OLFM3: variants seen among roughly 807,000 people sequenced by gnomAD.
OLFM3 encodes the protein noelin-3.
Under a neutral mutation model 48.6 loss-of-function variants are expected in OLFM3, and 20 were observed. The observed-to-expected ratio is 0.41, with a 90% CI of 0.29 to 0.60. The LOEUF (loss-of-function observed/expected upper bound fraction) is 0.60, where lower values mean the gene tolerates loss of function less well. Among genes scored for constraint, OLFM3 ranks in the 20% least tolerant of loss-of-function variants. The pLI is 0.28. For missense variants in OLFM3, 437 were observed against 544.3 expected (o/e 0.80, Z 1.96); for synonymous variants, 222 against 198.1 (o/e 1.12, Z -1.01).
intron 1 of OLFM3, among the ~76,000 whole-genome samples, chr1:101,963,647 C>A (rs1660528162): frequency 6.6e-6 from 1 of 152,082 alleles, no homozygotes. Context: ...CCAAGAGATG[C>A]AAACAAGTTT....
chr1:101,976,826 C>T (rs1405433191), intron 1 of OLFM3, among the ~76,000 whole-genome samples: 3 of 152,072 alleles, frequency 2.0e-5, no homozygotes, highest in Non-Finnish European at 4.4e-5. Flanking sequence ...CTTTTCTTCC[C>T]TTCTAAGAAT....
In OLFM3 at chr1:101,804,808, C is replaced by T; in HGVS notation, c.807G>A (p.Lys269=). The T allele has an allele frequency of 1.2e-6, 2 of 1,612,606 alleles. No individual in the cohort carries two copies. Among genetic ancestry groups the T allele is most frequent in the Non-Finnish European group, 1.7e-6 (2 of 1,179,086 alleles). The change falls in exon 6 of 6, where the codon AAG becomes AAA. Residue 269 remains lysine, a synonymous_variant. Transcript: ENST00000370103. The surrounding 1 kb of genome is among the most constrained non-coding windows in gnomAD (Gnocchi z 4.5). Reference sequence around the variant, plus strand: ...AGACAACATGGTTAGTTCCTGCCCACTTGAAAGGAAGGTTGTATGTCCTTG... The same window carrying T: ...AGACAACATGGTTAGTTCCTGCCCATTTGAAAGGAAGGTTGTATGTCCTTG... ...AESRTYNLPF[K]WAGTNHVVYN...
At chr1:101,805,861 TGCTAAA>T (rs555053093) in intron 5 of OLFM3, among the ~76,000 whole-genome samples, 206 of 151,900 alleles carry the variant, frequency 1.4e-3, no homozygotes, top group Non-Finnish European at 2.2e-3. Flanking sequence ...AAATTAGATT[TGCTAAA>T]GTGATGAATT....
intron 1 of OLFM3, among the ~76,000 whole-genome samples, chr1:101,953,245 G>T (rs1210655372): frequency 6.6e-6 from 1 of 151,904 alleles, no homozygotes; most frequent in Non-Finnish European, 1.5e-5. Context: ...TATTTCTACT[G>T]GACAGCAGTA....
intron 1 of OLFM3, among the ~76,000 whole-genome samples, chr1:101,894,577 A>G (rs1343569172): frequency 6.6e-6 from 1 of 152,116 alleles, no homozygotes; most frequent in Non-Finnish European, 1.5e-5. Flanking sequence ...CTCAGAGGGA[A>G]TTACACTTTT....
At chr1:101,853,999 G>C (rs1313749947) in intron 1 of OLFM3, among the ~76,000 whole-genome samples, 1 of 151,902 alleles carries the variant, frequency 6.6e-6, no homozygotes, top group Non-Finnish European at 1.5e-5. Context: ...TCTTCTTCTT[G>C]CCTTTGGCTA....
intron 1 of OLFM3, among the ~76,000 whole-genome samples, chr1:101,962,736 G>C (rs1162460212): frequency 6.6e-6 from 1 of 152,090 alleles, no homozygotes; most frequent in East Asian, 1.9e-4. Context: ...TTTCATCTCA[G>C]TCTGGCTTCA....
rs982872446 is a variant in OLFM3, at chr1:101,803,016, G to A, written c.*1222C>T. ...CAGTGAATCAAGGTAACAAGGGGTC[G>A]TTTTTCCATTTTGTTTTCTGAATTG... On this transcript the variant is annotated 3_prime_UTR_variant, in exon 6 of 6. Transcript: ENST00000370103. The A allele has an allele frequency of 1.9e-4, 29 of 151,652 alleles. No individual in the cohort carries two copies. Among genetic ancestry groups the A allele is most frequent in the African/African-American group, 6.8e-4 (28 of 41,276 alleles). The allele number at this position is 151,652 out of a possible 1,614,324, so 9.4% of individuals were successfully genotyped here.
At chr1:101,972,152 C>T (rs747711831) in intron 1 of OLFM3, among the ~76,000 whole-genome samples, 1 of 152,100 alleles carries the variant, frequency 6.6e-6, no homozygotes, top group East Asian at 1.9e-4. Flanking sequence ...TTACTGCTTT[C>T]ATCTTCCTTT....
At chr1:101,897,995 T>A (rs1470450033) in intron 1 of OLFM3, among the ~76,000 whole-genome samples, 1 of 152,166 alleles carries the variant, frequency 6.6e-6, no homozygotes, top group Non-Finnish European at 1.5e-5. Flanking sequence ...TGAGGTACCA[T>A]GTGTCTGAAG....
intron 1 of OLFM3, among the ~76,000 whole-genome samples, chr1:101,950,688 C>A (rs1660118545): frequency 6.6e-6 from 1 of 152,084 alleles, no homozygotes; most frequent in East Asian, 1.9e-4. Flanking sequence ...TCGTGATCCA[C>A]CCGCCTCGGC....
rs186532119 is a variant in OLFM3, at chr1:101,861,351, C to G, written c.70-24326G>C. ...TGCTGGGATTACAGGCATGAGCCAC[C>G]GTGCCCGGAGATTTGATTATACTTT... On this transcript the variant is annotated intron_variant, in intron 1 of 5. Transcript: ENST00000370103. 1.7e-4 allele frequency among the ~76,000 whole-genome samples: 25 copies of G among 150,616 alleles called. No individual in the cohort carries two copies. In the East Asian group the frequency reaches 4.6e-3, roughly 28 times the overall value.
chr1:101,974,360 T>G (rs190926275), intron 1 of OLFM3, among the ~76,000 whole-genome samples: 6 of 152,342 alleles, frequency 3.9e-5, no homozygotes, highest in African/African-American at 1.4e-4. Context: ...TGCTGATTGC[T>G]AATTATTTTT....
chr1:101,814,295 G>C (rs2100875584), intron 4 of OLFM3, among the ~76,000 whole-genome samples: 1 of 146,882 alleles, frequency 6.8e-6, no homozygotes, highest in Non-Finnish European at 1.5e-5. Flanking sequence ...AGAAAGCACT[G>C]TTCCAGATAC....
intron 1 of OLFM3, among the ~76,000 whole-genome samples, chr1:101,921,200 TACAC>T (rs142071103): frequency 0.01 from 1,550 of 147,936 alleles, 19 homozygotes; most frequent in African/African-American, 0.029. Context: ...TTTAAGTTTA[TACAC>T]ACACACACAC....
At chr1:101,909,755 G>A (rs748098714) in intron 1 of OLFM3, among the ~76,000 whole-genome samples, 129 of 152,126 alleles carry the variant, frequency 8.5e-4, no homozygotes, top group Non-Finnish European at 1.6e-3. Context: ...AAATTTTGAT[G>A]CTGGTAAGTT....
intron 1 of OLFM3, among the ~76,000 whole-genome samples, chr1:101,885,073 G>T (rs1657694380): frequency 6.6e-6 from 1 of 151,984 alleles, no homozygotes; most frequent in South Asian, 2.1e-4. Flanking sequence ...AGCCACGGAA[G>T]CCATCAGATT....
chr1:101,940,282 A>G (rs936197879), intron 1 of OLFM3, among the ~76,000 whole-genome samples: 6 of 152,058 alleles, frequency 3.9e-5, no homozygotes, highest in African/African-American at 1.4e-4. Flanking sequence ...CTGATTTTTC[A>G]GAACCACAAT....
At chr1:101,978,080 A>G (rs1661004328) in intron 1 of OLFM3, among the ~76,000 whole-genome samples, 1 of 152,124 alleles carries the variant, frequency 6.6e-6, no homozygotes, top group Admixed American at 6.6e-5. Context: ...AAGTTAGTTT[A>G]TCTAGCATTT....
Sources: gnomAD v4.1 joint callset for allele counts (sites outside exome capture counted in the v4.1 genomes callset) on GRCh38, gnomAD v4.1.1 for gene constraint, Gnocchi (gnomAD v3.1) non-coding constraint, MANE v1.5 for transcripts, NCBI Gene and HGNC (gene_info 2026-07-23, HGNC 2026-07-21) for gene names.